GRID2: variants seen among roughly 807,000 people sequenced by gnomAD.
The protein encoded by GRID2 is glutamate ionotropic receptor delta type subunit 2.
In GRID2, 33 loss-of-function variants were observed where a neutral mutation model predicts 114.8. That is an observed-to-expected ratio of 0.29 (90% CI 0.22 to 0.38). The LOEUF (loss-of-function observed/expected upper bound fraction) is 0.38. GRID2 is among the 10% of genes least tolerant of loss of function. GRID2 has a pLI of 1.00. For missense variants in GRID2, 1,184 were observed against 1,257.7 expected (o/e 0.94, Z 0.89); for synonymous variants, 505 against 449.9 (o/e 1.12, Z -1.55).
intron 11 of GRID2, among the ~76,000 whole-genome samples, chr4:93,475,558 A>G (rs931698861): frequency 6.6e-6 from 1 of 152,128 alleles, no homozygotes; most frequent in African/African-American, 2.4e-5. Flanking sequence ...CTCTTTTATC[A>G]TTAAAACTGA....
intron 2 of GRID2, among the ~76,000 whole-genome samples, chr4:92,895,387 A>G (rs943783411): frequency 7.1e-6 from 1 of 141,102 alleles, no homozygotes; most frequent in Non-Finnish European, 1.5e-5. Flanking sequence ...TAGAAAACAT[A>G]TATATATATA....
At chr4:92,549,842 A>G (rs1726486257) in intron 1 of GRID2, among the ~76,000 whole-genome samples, 1 of 152,144 alleles carries the variant, frequency 6.6e-6, no homozygotes, top group African/African-American at 2.4e-5. Flanking sequence ...CTATATGACT[A>G]TATGTACTTG....
intron 8 of GRID2, among the ~76,000 whole-genome samples, chr4:93,359,238 G>A (rs1761642242): frequency 6.6e-6 from 1 of 151,906 alleles, no homozygotes; most frequent in Non-Finnish European, 1.5e-5. Context: ...AACCATGCAT[G>A]TGTCTTTTGA....
At chr4:92,913,863 A>C (rs1304266600) in intron 2 of GRID2, among the ~76,000 whole-genome samples, 1 of 152,054 alleles carries the variant, frequency 6.6e-6, no homozygotes, top group Non-Finnish European at 1.5e-5. Flanking sequence ...CTTCCCTCAC[A>C]AAAAATGACT....
intron 1 of GRID2, among the ~76,000 whole-genome samples, chr4:92,447,628 CAG>C (rs1733541020): frequency 6.6e-6 from 1 of 152,192 alleles, no homozygotes; most frequent in Non-Finnish European, 1.5e-5. Flanking sequence ...TTATAAACAA[CAG>C]AAATTTATTT....
At chr4:92,692,868 C>T (rs1050205144) in intron 2 of GRID2, among the ~76,000 whole-genome samples, 1 of 151,782 alleles carries the variant, frequency 6.6e-6, no homozygotes, top group African/African-American at 2.4e-5. Context: ...ACTAAAAATA[C>T]AAAAATTAGC....
At chr4:93,808,672 A>G (rs1735077430) in exon 2 of GRID2, 1 of 152,180 alleles carries the variant, frequency 6.6e-6, no homozygotes, top group African/African-American at 2.4e-5. Context: ...CCATAGAGAC[A>G]TTCCACCATT....
intron 8 of GRID2, among the ~76,000 whole-genome samples, chr4:93,285,887 A>G (rs776027573): frequency 2.1e-4 from 32 of 151,978 alleles, no homozygotes; most frequent in Non-Finnish European, 4.1e-4. Flanking sequence ...TGCACTCTGA[A>G]TTTGATCTAC....
chr4:93,045,798 T>G (rs1726080349), intron 2 of GRID2, among the ~76,000 whole-genome samples: 1 of 152,136 alleles, frequency 6.6e-6, no homozygotes, highest in Admixed American at 6.6e-5. Context: ...CACACTTACT[T>G]TTCCCACTGT....
intron 1 of GRID2, among the ~76,000 whole-genome samples, chr4:92,448,348 G>A (rs1016913743): frequency 5.9e-5 from 9 of 151,970 alleles, no homozygotes; most frequent in Admixed American, 4.6e-4. Flanking sequence ...CTAACTTTTA[G>A]TAGAGATGGG....
At chr4:92,483,796 G>A (rs1722731165) in intron 1 of GRID2, among the ~76,000 whole-genome samples, 1 of 152,190 alleles carries the variant, frequency 6.6e-6, no homozygotes, top group Middle Eastern at 3.4e-3. Context: ...ACAAGCAACA[G>A]AAAAAAATTA....
chr4:92,989,161 C>G (rs937720025), intron 2 of GRID2, among the ~76,000 whole-genome samples: 1 of 151,010 alleles, frequency 6.6e-6, no homozygotes, highest in Non-Finnish European at 1.5e-5. Flanking sequence ...CCTGTAGTCC[C>G]AGCTACTCGG....
intron 8 of GRID2, among the ~76,000 whole-genome samples, chr4:93,376,068 C>A (rs1763350243): frequency 2.0e-5 from 3 of 152,118 alleles, no homozygotes; most frequent in Admixed American, 1.3e-4. Flanking sequence ...CCTGTAACTA[C>A]AACAGTCTGA....
At chr4:92,435,850 C>CAT (rs1183837598) in intron 1 of GRID2, among the ~76,000 whole-genome samples, 1 of 152,118 alleles carries the variant, frequency 6.6e-6, no homozygotes, top group Non-Finnish European at 1.5e-5. Context: ...ATATATTTGT[C>CAT]AGGAATATTG....
At chr4:93,528,357 T>C (rs1205738660) in intron 13 of GRID2, among the ~76,000 whole-genome samples, 1 of 152,030 alleles carries the variant, frequency 6.6e-6, no homozygotes, top group Non-Finnish European at 1.5e-5. Flanking sequence ...ACTGCCATAC[T>C]GTTTTCCATA....
intron 2 of GRID2, among the ~76,000 whole-genome samples, chr4:92,967,734 A>G (rs1753250258): frequency 6.6e-6 from 1 of 151,928 alleles, no homozygotes. Flanking sequence ...TGTTGAGTTC[A>G]GGATTATGAA....
At chr4:92,755,475 C>T (rs1737669537) in intron 2 of GRID2, among the ~76,000 whole-genome samples, 1 of 151,966 alleles carries the variant, frequency 6.6e-6, no homozygotes, top group African/African-American at 2.4e-5. Flanking sequence ...GATGGAGTGT[C>T]CTATTTTAAG....
At chr4:92,526,061 T>C (rs1010733472) in intron 1 of GRID2, among the ~76,000 whole-genome samples, 2 of 151,990 alleles carry the variant, frequency 1.3e-5, no homozygotes, top group African/African-American at 4.8e-5. Flanking sequence ...GTATCATTTA[T>C]AGATACTACA....
intron 4 of GRID2, among the ~76,000 whole-genome samples, chr4:93,123,166 G>C (rs1434940782): frequency 4.6e-5 from 7 of 151,940 alleles, no homozygotes; most frequent in Admixed American, 4.6e-4. Context: ...GATATTGGTG[G>C]ACAGTTTGCT....
Sources: allele counts gnomAD v4.1 joint callset (sites outside exome capture counted in the v4.1 genomes callset), GRCh38; gene constraint gnomAD v4.1.1; transcripts MANE v1.5; gene names NCBI Gene and HGNC (gene_info 2026-07-23, HGNC 2026-07-21).